The following CEP83 variants were observed in gnomAD, a reference collection of about 807,000 sequenced individuals.
CEP83 encodes the protein centrosomal protein of 83 kDa.
A neutral mutation model predicts 101.9 loss-of-function variants in CEP83; 70 were observed. The observed-to-expected ratio is 0.69, with a 90% CI of 0.57 to 0.84. The LOEUF (loss-of-function observed/expected upper bound fraction) is 0.84, where lower values mean the gene tolerates loss of function less well. Among genes scored for constraint, CEP83 ranks in the 40% least tolerant of loss-of-function variants. The probability of loss-of-function intolerance (pLI) is 0.00; values close to 1 mark genes in which losing one functional copy is unlikely to be tolerated. For synonymous variants in CEP83, 264 were observed against 267.9 expected, an observed-to-expected ratio of 0.99 and a Z score of 0.14; for missense variants, 715 against 787.2, an observed-to-expected ratio of 0.91 and a Z score of 1.10.
At chr12:94,348,262 T>C (rs868781872) in intron 11 of CEP83, among the ~76,000 whole-genome samples, 3 of 152,026 alleles carry the variant, frequency 2.0e-5, no homozygotes, top group Non-Finnish European at 1.5e-5. Flanking sequence ...AGGAGGAGCA[T>C]AGTGGCCAGC....
intron 15 of CEP83, chr12:94,312,508 A>C (rs1970019977): frequency 1.2e-6 from 1 of 828,184 alleles, no homozygotes; most frequent in Non-Finnish European, 1.5e-6. Context: ...ATGTGCTTGA[A>C]TGTGACTGCA....
chr12:94,405,314 T>C lies in CEP83; in HGVS notation c.325-2052A>G, dbSNP rs893595619. On this transcript the variant is annotated intron_variant, in intron 4 of 16. Transcript: ENST00000397809. ...AGTATTTTAAATATGGCAAAGGTAT[T>C]GTGATTATGCTTTTAAGACAGACTG... is the stretch of plus-strand genomic sequence containing the variant. 3.3e-5 allele frequency among the ~76,000 whole-genome samples: 5 copies of C among 152,320 alleles called. No homozygotes were observed. The East Asian group carries it at 9.6e-4, about 29-fold the overall frequency.
At chr12:94,322,622 T>C (rs1279718081) in intron 14 of CEP83, among the ~76,000 whole-genome samples, 2 of 152,156 alleles carry the variant, frequency 1.3e-5, no homozygotes, top group Non-Finnish European at 1.5e-5. Context: ...GGTTGGGGTA[T>C]GGTTGTAGAC....
At chr12:94,405,879 T>C (rs2063506567) in intron 4 of CEP83, among the ~76,000 whole-genome samples, 1 of 152,088 alleles carries the variant, frequency 6.6e-6, no homozygotes, top group South Asian at 2.1e-4. Flanking sequence ...AAGACAACTA[T>C]GAAGACCTAC....
At position 94,349,513 on chromosome 12, in the gene CEP83, A is replaced by G. The variant is rs187977288; in HGVS notation, c.1344-13849T>C. 2.2e-4 allele frequency among the ~76,000 whole-genome samples: 33 copies of G among 152,238 alleles called. No homozygotes were observed. In the East Asian group the frequency reaches 6.0e-3, roughly 28 times the overall value. On this transcript the variant is annotated intron_variant, in intron 11 of 16. Transcript: ENST00000397809. ...AATACACCATATTAAAAGAATGAAG[A>G]AAAAAATGCATGATCATCTCAACTG...
intron 1 of CEP83, 45 bp from the exon 2 acceptor site, chr12:94,435,372 T>C (rs747480056): frequency 1.3e-5 from 2 of 152,218 alleles, no homozygotes; most frequent in African/African-American, 2.4e-5. Context: ...AAACAGGACT[T>C]ACTAAGTTTC....
intron 6 of CEP83, among the ~76,000 whole-genome samples, chr12:94,394,550 A>C (rs2062763283): frequency 6.6e-6 from 1 of 152,248 alleles, no homozygotes; most frequent in Admixed American, 6.5e-5. Flanking sequence ...AATACCATTC[A>C]GGACATAGGC....
In CEP83 at chr12:94,412,580, G is replaced by T; in HGVS notation, c.-90C>A. ...TCTTGCTAAGGCAGAATCTCAGGAA[G>T]CCAAATTATACCTGCACAGAGAAAT... is the stretch of plus-strand genomic sequence containing the variant. On this transcript the variant is annotated 5_prime_UTR_variant, in exon 3 of 17. Coordinates refer to ENST00000397809, the MANE Select transcript of CEP83 (RefSeq NM_016122.3). 9.2e-7 allele frequency: 1 copy of T among 1,087,066 alleles called. No homozygotes were observed. The highest frequency in any genetic ancestry group is 1.4e-6 in the Non-Finnish European group (1 of 732,050). 67.3% of individuals were successfully genotyped at this position (1,087,066 alleles called of 1,614,324 possible).
intron 11 of CEP83, among the ~76,000 whole-genome samples, chr12:94,344,781 T>A (rs1016497824): frequency 6.6e-6 from 1 of 152,056 alleles, no homozygotes; most frequent in African/African-American, 2.4e-5. Context: ...ACAATCCCAA[T>A]TAAAATTTTA....
At chr12:94,395,749 A>C (rs991751450) in intron 6 of CEP83, among the ~76,000 whole-genome samples, 5 of 152,138 alleles carry the variant, frequency 3.3e-5, no homozygotes, top group African/African-American at 1.2e-4. Flanking sequence ...TGAACCCAGA[A>C]GGCAGAGCTT....
At chr12:94,277,319 C>T in the CEP83 span, 1 of 152,956 alleles carries the variant, frequency 6.5e-6, no homozygotes, top group Non-Finnish European at 1.5e-5. Context: ...CAAGTACCAT[C>T]ACCTTGGGGG....
chr12:94,365,589 G>T (rs1283964156), intron 11 of CEP83, among the ~76,000 whole-genome samples: 1 of 152,044 alleles, frequency 6.6e-6, no homozygotes, highest in Non-Finnish European at 1.5e-5. Context: ...GGCCAACATG[G>T]TGAAACCCCA....
chr12:94,368,942 C>G (rs188102035), intron 9 of CEP83: 4 of 152,104 alleles, frequency 2.6e-5, no homozygotes, highest in African/African-American at 9.7e-5. Context: ...ACCATTTGAG[C>G]CCAGGAGTTC....
chr12:94,330,964 T>TC (rs1303906840), intron 14 of CEP83, among the ~76,000 whole-genome samples: 1 of 152,134 alleles, frequency 6.6e-6, no homozygotes, highest in East Asian at 1.9e-4. Flanking sequence ...ATCACTAAAA[T>TC]CTCAGATTCA....
chr12:94,303,730 TG>T (rs750364507), downstream of CEP83: 990 of 1,333,926 alleles, frequency 7.4e-4, 2 homozygotes, highest in African/African-American at 8.4e-3. Flanking sequence ...TGGTGATGGT[TG>T]CTTTTTTTTT....
rs2062889258 is a variant in CEP83, at chr12:94,396,292, T to C, written c.549+4558A>G. Among the ~76,000 whole-genome samples the C allele has an allele frequency of 1.4e-5, 2 of 141,830 alleles. 1 individual carries two copies. The highest frequency in any genetic ancestry group is 4.0e-4 in the East Asian group (2 of 4,992). The allele number at this position is 141,830 out of a possible 152,430, so 93.0% of individuals were successfully genotyped here. A position where few individuals can be genotyped will look rare whatever the true frequency, so the allele number is the denominator to read the frequency against. On this transcript the variant is annotated intron_variant, in intron 6 of 16. Coordinates refer to ENST00000397809, the MANE Select transcript of CEP83 (RefSeq NM_016122.3). Reference sequence around the variant, plus strand: ...TGAAAAAGCATGACTTTTTTTTTTTTTTTTTTTTTTTTTTGAGACAGAGCC... The same window carrying C: ...TGAAAAAGCATGACTTTTTTTTTTTCTTTTTTTTTTTTTTGAGACAGAGCC...
At chr12:94,344,773 A>T (rs935882966) in intron 11 of CEP83, among the ~76,000 whole-genome samples, 2 of 152,190 alleles carry the variant, frequency 1.3e-5, no homozygotes, top group African/African-American at 4.8e-5. Context: ...AATCCAATAC[A>T]ATCCCAATTA....
intron 14 of CEP83, among the ~76,000 whole-genome samples, chr12:94,313,997 T>C (rs1970272631): frequency 6.6e-6 from 1 of 152,168 alleles, no homozygotes; most frequent in African/African-American, 2.4e-5. Context: ...AAGGAAAAAA[T>C]TTAAACTTTA....
chr12:94,412,694 T>TC, intron 2 of CEP83, 103 bp from the exon 3 acceptor site: 1 of 48,858 alleles, frequency 2.0e-5, no homozygotes, highest in Non-Finnish European at 3.3e-5. Flanking sequence ...TTTTTTTTTC[T>TC]TTTTTTTTTT....
Sources: gnomAD v4.1 joint callset for allele counts (sites outside exome capture counted in the v4.1 genomes callset) on GRCh38, gnomAD v4.1.1 for gene constraint, MANE v1.5 for transcripts, NCBI Gene and HGNC (gene_info 2026-07-23, HGNC 2026-07-21) for gene names.